MALRD1: variants seen among roughly 807,000 people sequenced by gnomAD.
MALRD1 encodes MAM and LDL receptor class A domain containing 1, also known as MAM and LDL-receptor class A domain-containing protein 1.
Under a neutral mutation model 242.1 loss-of-function variants are expected in MALRD1, and 247 were observed. That is an observed-to-expected ratio of 1.02 (90% CI 0.92 to 1.13). The LOEUF (loss-of-function observed/expected upper bound fraction) is 1.13. Among genes scored for constraint, MALRD1 ranks in the 50% most tolerant of loss-of-function variants. MALRD1 has a pLI of 0.00. For synonymous variants in MALRD1, 995 were observed against 866.6 expected (o/e 1.15, Z -2.60); for missense variants, 2,989 against 2,533.1 (o/e 1.18, Z -3.86).
intron 4 of MALRD1, among the ~76,000 whole-genome samples, chr10:19,101,375 A>G (rs1332073468): frequency 1.4e-5 from 2 of 144,274 alleles, no homozygotes; most frequent in African/African-American, 5.0e-5. Flanking sequence ...ATTATATATA[A>G]CCAACTTGGG....
At chr10:19,260,451 A>C (rs1839696893) in intron 19 of MALRD1, among the ~76,000 whole-genome samples, 1 of 152,154 alleles carries the variant, frequency 6.6e-6, no homozygotes, top group Non-Finnish European at 1.5e-5. Context: ...GCATATTTGA[A>C]ATTTCAACTG....
rs548763240 is a variant in MALRD1 at position 19,349,506 on chromosome 10, G to A, written c.4149+1488G>A. Among the ~76,000 whole-genome samples the A allele has an allele frequency of 3.9e-5, 6 of 152,336 alleles. No homozygotes were observed. In the South Asian group the frequency reaches 1.2e-3, roughly 32 times the overall value. ...TGTAAGGAAAGTGACATGATCAGGT[G>A]AGAGTTTCAGTGACAGAACTTGGTC... On this transcript the variant is annotated intron_variant, in intron 25 of 39. Coordinates refer to ENST00000454679, the MANE Select transcript of MALRD1 (RefSeq NM_001142308.3).
At chr10:19,668,128 A>G (rs1353837157) in intron 36 of MALRD1, among the ~76,000 whole-genome samples, 1 of 152,152 alleles carries the variant, frequency 6.6e-6, no homozygotes, top group African/African-American at 2.4e-5. Context: ...GTTCTCAAGA[A>G]ATAAATTTAG....
intron 33 of MALRD1, among the ~76,000 whole-genome samples, chr10:19,592,755 A>ACG (rs1466692743): frequency 6.0e-4 from 72 of 119,452 alleles, no homozygotes; most frequent in Non-Finnish European, 8.5e-4. Flanking sequence ...ACACACACAC[A>ACG]CACACACGCA....
rs34727263 is a variant in MALRD1 at position 19,237,513 on chromosome 10, C to CATATATAT, written c.2992-20155_2992-20148dup. Among the ~76,000 whole-genome samples, 519 of 113,690 alleles carry CATATATAT rather than the reference C, an allele frequency of 4.6e-3. 10 individuals carry two copies. Among genetic ancestry groups the CATATATAT allele is most frequent in the African/African-American group, 0.017 (493 of 29,236 alleles). The allele number at this position is 113,690 out of a possible 152,430, so 74.6% of individuals were successfully genotyped here. ...AATAGTATTTCATTGTGTGTGTGTC[C>CATATATAT]ATATATATATATATATATATATAAT... is the stretch of plus-strand genomic sequence containing the variant. On this transcript the variant is annotated intron_variant, in intron 18 of 39. Coordinates refer to ENST00000454679, the MANE Select transcript of MALRD1 (RefSeq NM_001142308.3).
intron 28 of MALRD1, among the ~76,000 whole-genome samples, chr10:19,445,733 C>G (rs924039202): frequency 6.6e-5 from 10 of 152,230 alleles, no homozygotes; most frequent in African/African-American, 2.4e-4. Flanking sequence ...CCCACTTAGG[C>G]TACTTGGGCT....
At chr10:19,254,231 C>T (rs539227172) in intron 18 of MALRD1, among the ~76,000 whole-genome samples, 1 of 152,006 alleles carries the variant, frequency 6.6e-6, no homozygotes, top group African/African-American at 2.4e-5. Flanking sequence ...GCTTTTGAGT[C>T]TGGCTTCTTT....
At chr10:19,279,855 C>G (rs1326879609) in intron 19 of MALRD1, among the ~76,000 whole-genome samples, 192 bp from the exon 20 acceptor site, 1 of 152,136 alleles carries the variant, frequency 6.6e-6, no homozygotes, top group Non-Finnish European at 1.5e-5. Context: ...TTGTCATGAT[C>G]AAAGATGTTT....
chr10:19,123,451 G>T (rs1837140417), intron 5 of MALRD1, 41 bp from the exon 6 acceptor site: 4 of 1,120,408 alleles, frequency 3.6e-6, no homozygotes, highest in South Asian at 4.5e-5. Flanking sequence ...CTTTCCAGTT[G>T]CACCTGCATT....
intron 29 of MALRD1, among the ~76,000 whole-genome samples, chr10:19,470,053 A>T (rs1031273081): frequency 1.3e-4 from 20 of 152,006 alleles, no homozygotes; most frequent in African/African-American, 3.9e-4. Context: ...CAACTCCAGA[A>T]CTTATTTATC....
In MALRD1 at chr10:19,085,788, T is replaced by C. The variant is rs75853542; in HGVS notation, c.341-2052T>C. 7.8e-3 allele frequency among the ~76,000 whole-genome samples: 1,179 copies of C among 152,124 alleles called. 15 individuals carry two copies. The highest frequency in any genetic ancestry group is 0.027 in the African/African-American group (1,120 of 41,544). On this transcript the variant is annotated intron_variant, in intron 2 of 39. Coordinates refer to ENST00000454679, the MANE Select transcript of MALRD1 (RefSeq NM_001142308.3). ...ATTTTTAATATCAAGCTTTTAAAAA[T>C]ATATATGAATAATTTAGGTAATATC...
chr10:19,369,819 A>T (rs892676886), intron 26 of MALRD1, among the ~76,000 whole-genome samples: 2 of 151,940 alleles, frequency 1.3e-5, no homozygotes, highest in Admixed American at 1.3e-4. Context: ...TGCCAGTATC[A>T]TTATATATAT....
chr10:19,383,031 G>T (rs1335937343), intron 26 of MALRD1, among the ~76,000 whole-genome samples: 1 of 152,058 alleles, frequency 6.6e-6, no homozygotes, highest in Non-Finnish European at 1.5e-5. Flanking sequence ...ACATTAAAAG[G>T]ATAATAAAAG....
At position 19,365,327 on chromosome 10, in the gene MALRD1, T is replaced by G. The variant is rs564449138; in HGVS notation, c.4441+13030T>G. Among the ~76,000 whole-genome samples the G allele has an allele frequency of 2.1e-4, 32 of 152,208 alleles. No homozygotes were observed. The South Asian group carries it at 6.4e-3, about 31-fold the overall frequency. On this transcript the variant is annotated intron_variant, in intron 26 of 39. Coordinates refer to ENST00000454679, the MANE Select transcript of MALRD1 (RefSeq NM_001142308.3). Reference sequence around the variant, plus strand: ...TTTTTGTGGTTACCTGTAATTAACTTAAATGCTTTTACTTCAGCAGAGTGT... The same window carrying G: ...TTTTTGTGGTTACCTGTAATTAACTGAAATGCTTTTACTTCAGCAGAGTGT...
intron 4 of MALRD1, among the ~76,000 whole-genome samples, chr10:19,098,934 G>A (rs1328065416): frequency 6.6e-6 from 1 of 152,164 alleles, no homozygotes; most frequent in African/African-American, 2.4e-5. Flanking sequence ...GACTAGGTGT[G>A]TTATTTGCAT....
chr10:19,625,060 A>AAGAGAG (rs3069631), intron 36 of MALRD1, among the ~76,000 whole-genome samples: 2,602 of 148,470 alleles, frequency 0.018, 52 homozygotes, highest in African/African-American at 0.051. Flanking sequence ...CTATTTTAAA[A>AAGAGAG]AGAGAGAGAG....
intron 36 of MALRD1, among the ~76,000 whole-genome samples, chr10:19,657,286 A>T (rs34243926): frequency 0.16 from 24,233 of 152,124 alleles, 3,503 homozygotes; most frequent in African/African-American, 0.39. Flanking sequence ...TTTGTTGAAT[A>T]AGCTCCCCTT....
At chr10:19,107,261 T>G (rs990997041) in intron 5 of MALRD1, among the ~76,000 whole-genome samples, 1 of 152,140 alleles carries the variant, frequency 6.6e-6, no homozygotes, top group African/African-American at 2.4e-5. Context: ...TTGCAGTCTA[T>G]CTATTTCTAT....
At chr10:19,647,721 A>G (rs952188577) in intron 36 of MALRD1, among the ~76,000 whole-genome samples, 3 of 152,206 alleles carry the variant, frequency 2.0e-5, no homozygotes, top group Non-Finnish European at 2.9e-5. Context: ...TTGGCAAGAG[A>G]TAGACTAAAT....
Sources: gnomAD v4.1 joint callset for allele counts (sites outside exome capture counted in the v4.1 genomes callset) on GRCh38, gnomAD v4.1.1 for gene constraint, MANE v1.5 for transcripts, NCBI Gene and HGNC (gene_info 2026-07-23, HGNC 2026-07-21) for gene names.